The following CLDN10 variants were observed in gnomAD, a reference collection of about 807,000 sequenced individuals.
CLDN10 encodes claudin-10.
Under a neutral mutation model 22.9 loss-of-function variants are expected in CLDN10, and 15 were observed. The ratio of observed to expected loss-of-function variants is 0.65; its 90% CI spans 0.44 to 1.01. The LOEUF is 1.01. Ranked by LOEUF, CLDN10 falls within the 50% of genes least tolerant of loss-of-function variation. CLDN10 has a pLI of 0.00. For missense variants in CLDN10, 247 were observed against 287.8 expected, an observed-to-expected ratio of 0.86 and a Z score of 1.03; for synonymous variants, 114 against 111.4, an observed-to-expected ratio of 1.02 and a Z score of -0.15.
chr13:95,434,516 T>TGTGTGTATATATATATGCACAC (rs1462853880), intron 1 of CLDN10, among the ~76,000 whole-genome samples: 7 of 123,082 alleles, frequency 5.7e-5, no homozygotes, highest in East Asian at 2.3e-4. Flanking sequence ...TCTATATGTG[T>TGTGTGTATATATATATGCACAC]GTGTGTATAT....
At chr13:95,534,961 G>A (rs1459723041) in intron 1 of CLDN10, among the ~76,000 whole-genome samples, 1 of 152,108 alleles carries the variant, frequency 6.6e-6, no homozygotes, top group Admixed American at 6.6e-5. Flanking sequence ...ATGGAAGCAC[G>A]CCACCAAGAA....
At chr13:95,442,605 T>A (rs2042335038) in intron 1 of CLDN10, among the ~76,000 whole-genome samples, 1 of 152,168 alleles carries the variant, frequency 6.6e-6, no homozygotes, top group Non-Finnish European at 1.5e-5. Flanking sequence ...CCCTTTGGGC[T>A]CCACAGGGGA....
chr13:95,533,459 C>T (rs111570517), intron 1 of CLDN10, among the ~76,000 whole-genome samples: 1,897 of 152,212 alleles, frequency 0.012, 40 homozygotes, highest in African/African-American at 0.043. Flanking sequence ...TAACACTCCC[C>T]TAATACATTT....
At chr13:95,489,821 G>GT (rs1209777684) in intron 1 of CLDN10, among the ~76,000 whole-genome samples, 2 of 152,276 alleles carry the variant, frequency 1.3e-5, no homozygotes, top group East Asian at 3.9e-4. Context: ...TTTTTCCAAT[G>GT]TTATCTTCTA....
At chr13:95,501,023 T>G (rs1179198389) in intron 1 of CLDN10, among the ~76,000 whole-genome samples, 1 of 152,038 alleles carries the variant, frequency 6.6e-6, no homozygotes, top group Non-Finnish European at 1.5e-5. Flanking sequence ...AATTTTCTTT[T>G]TTTTTCTTTT....
intron 1 of CLDN10, among the ~76,000 whole-genome samples, chr13:95,540,171 A>G (rs576079627): frequency 1.1e-4 from 16 of 152,190 alleles, no homozygotes; most frequent in African/African-American, 3.9e-4. Context: ...ATGGTGGTGC[A>G]TGCCTGTAGT....
intron 1 of CLDN10, among the ~76,000 whole-genome samples, chr13:95,482,017 TC>T (rs1226603394): frequency 6.6e-6 from 1 of 152,076 alleles, no homozygotes; most frequent in Admixed American, 6.6e-5. Flanking sequence ...AGACTCTGAC[TC>T]AAAAAAGTAA....
intron 1 of CLDN10, among the ~76,000 whole-genome samples, chr13:95,543,597 G>A (rs192349852): frequency 2.6e-5 from 4 of 152,058 alleles, no homozygotes; most frequent in Admixed American, 2.0e-4. Flanking sequence ...TTAGGAAAAT[G>A]CAGTATGTTT....
chr13:95,504,264 C>T (rs1159495588), intron 1 of CLDN10, among the ~76,000 whole-genome samples: 1 of 152,230 alleles, frequency 6.6e-6, no homozygotes, highest in Non-Finnish European at 1.5e-5. Flanking sequence ...GGAATATTCT[C>T]TTCTGTCTGC....
intron 1 of CLDN10, among the ~76,000 whole-genome samples, chr13:95,541,350 A>G (rs2043458466): frequency 6.6e-6 from 1 of 152,228 alleles, no homozygotes; most frequent in Admixed American, 6.5e-5. Context: ...TGGGGCAAGT[A>G]TGGGCAAAAC....
chr13:95,460,482 G>A (rs1000642451), intron 1 of CLDN10, among the ~76,000 whole-genome samples: 8 of 152,048 alleles, frequency 5.3e-5, no homozygotes, highest in African/African-American at 1.2e-4. Context: ...GGTAGAAGGC[G>A]AAAAAGCCAC....
intron 1 of CLDN10, chr13:95,434,092 T>TC (rs1441308724): frequency 6.5e-7 from 1 of 1,540,832 alleles, no homozygotes; most frequent in Non-Finnish European, 9.0e-7. Flanking sequence ...AATGTACTTT[T>TC]CCCCCCGACT....
intron 1 of CLDN10, among the ~76,000 whole-genome samples, chr13:95,434,644 G>A (rs2042248920): frequency 6.8e-6 from 1 of 147,956 alleles, no homozygotes; most frequent in Non-Finnish European, 1.5e-5. Flanking sequence ...ACACACATAT[G>A]TAACACACAT....
chr13:95,505,395 A>C (rs2043027186), intron 1 of CLDN10, among the ~76,000 whole-genome samples: 1 of 152,218 alleles, frequency 6.6e-6, no homozygotes, highest in African/African-American at 2.4e-5. Context: ...GGGATGTCTT[A>C]CAATGGGCAC....
At chr13:95,455,518 G>A (rs185967953) in intron 1 of CLDN10, among the ~76,000 whole-genome samples, 1 of 152,282 alleles carries the variant, frequency 6.6e-6, no homozygotes, top group Admixed American at 6.5e-5. Context: ...TTATAGTTCT[G>A]CCTCCACTGC....
At chr13:95,573,228 T>C (rs1164694344) in intron 3 of CLDN10, among the ~76,000 whole-genome samples, 2 of 152,266 alleles carry the variant, frequency 1.3e-5, no homozygotes, top group Admixed American at 1.3e-4. Context: ...GTGACTTTAT[T>C]AATGTGTATT....
chr13:95,468,948 C>T (rs536427743), intron 1 of CLDN10, among the ~76,000 whole-genome samples: 18 of 152,080 alleles, frequency 1.2e-4, no homozygotes, highest in African/African-American at 3.6e-4. Flanking sequence ...CACTGAAAAC[C>T]TTAGCTCCTA....
At chr13:95,561,541 G>A (rs1237613080) in intron 3 of CLDN10, among the ~76,000 whole-genome samples, 1 of 152,150 alleles carries the variant, frequency 6.6e-6, no homozygotes, top group African/African-American at 2.4e-5. Context: ...ACCTTATAAA[G>A]TAGGTCCTCT....
At position 95,565,520 on chromosome 13, in the gene CLDN10, C is replaced by T. The variant is rs2043775246; in HGVS notation, c.464+5057C>T. ...CTTTTCAAAATCATGTCGCACTTCT[C>T]ATTCCTGGCATGTATTTGGTTTCTA... On this transcript the variant is annotated intron_variant, in intron 3 of 4. Coordinates refer to ENST00000299339, the MANE Select transcript of CLDN10 (RefSeq NM_006984.5). Among the ~76,000 whole-genome samples, 3 of 152,166 alleles carry T rather than the reference C, an allele frequency of 2.0e-5. No individual in the cohort carries two copies. In the South Asian group the frequency reaches 6.2e-4, roughly 32 times the overall value.
Sources: gnomAD v4.1 joint callset for allele counts (sites outside exome capture counted in the v4.1 genomes callset) on GRCh38, gnomAD v4.1.1 for gene constraint, MANE v1.5 for transcripts, NCBI Gene and HGNC (gene_info 2026-07-23, HGNC 2026-07-21) for gene names.